Variants in TBCD observed in about 807,000 individuals in gnomAD.
TBCD encodes the protein tubulin folding cofactor D.
In TBCD, 105 loss-of-function variants were observed where a neutral mutation model predicts 169.3. The ratio of observed to expected loss-of-function variants is 0.62; its 90% CI spans 0.53 to 0.73. The LOEUF is 0.73. TBCD is among the 30% of genes least tolerant of loss of function. TBCD has a pLI of 0.00. For synonymous variants in TBCD, 700 were observed against 643.9 expected (o/e 1.09, Z -1.32); for missense variants, 1,444 against 1,600.1 (o/e 0.90, Z 1.66).
At chr17:82,775,126 G>A (rs924463538) in intron 6 of TBCD, among the ~76,000 whole-genome samples, 1 of 152,196 alleles carries the variant, frequency 6.6e-6, no homozygotes, top group African/African-American at 2.4e-5. Flanking sequence ...GATCCCGGGC[G>A]GACTCCCGGC....
chr17:82,870,293 T>C lies in TBCD; in HGVS notation c.1388T>C (p.Val463Ala). Residue 463 changes from valine to alanine, a missense_variant, in exon 14 of 39, where the codon GTC becomes GCC. Physicochemically the swap from Val to Ala is moderately conservative, Grantham distance 64. Coordinates refer to ENST00000355528, the MANE Select transcript of TBCD (RefSeq NM_005993.5). ...GGTGCCTGCAGCGTGGGCACCAACGTCAGGGACGCCGCCTGCTACGTGTGC... is the reference window on the plus strand; with the variant it reads ...GGTGCCTGCAGCGTGGGCACCAACGCCAGGGACGCCGCCTGCTACGTGTGC... Reference protein sequence around the residue: ...KRGACSVGTNVRDAACYVCWA... With the variant: ...KRGACSVGTNARDAACYVCWA... 6.2e-7 allele frequency: 1 copy of C among 1,613,562 alleles called. No homozygotes were observed. Among genetic ancestry groups the C allele is most frequent in the African/African-American group, 1.3e-5 (1 of 75,038 alleles).
rs556047669 is a variant in TBCD, at chr17:82,869,337, C to T, written c.1319-887C>T. Among the ~76,000 whole-genome samples the T allele has an allele frequency of 4.1e-4, 63 of 152,082 alleles. 1 individual carries two copies. Among genetic ancestry groups the T allele is most frequent in the Admixed American group, 1.8e-3 (27 of 15,280 alleles). ...GTAAAAAATCGGGTAGCCTGGGTAA[C>T]GTGGGATGCCATCTCTACAAAAAAT... is the stretch of plus-strand genomic sequence containing the variant. On this transcript the variant is annotated intron_variant, in intron 13 of 38. Coordinates refer to ENST00000355528, the MANE Select transcript of TBCD (RefSeq NM_005993.5).
chr17:82,795,906 C>T (rs111315793), intron 7 of TBCD: 3,351 of 152,374 alleles, frequency 0.022, 142 homozygotes, highest in African/African-American at 0.077. Flanking sequence ...TGAAAGAGGC[C>T]GCCAGGCTTC....
chr17:82,804,632 T>C (rs2050817479), intron 9 of TBCD, among the ~76,000 whole-genome samples: 1 of 152,206 alleles, frequency 6.6e-6, no homozygotes, highest in African/African-American at 2.4e-5. Context: ...GTCCTTACCA[T>C]GTGGGCCCCT....
rs1237622719 is a variant in TBCD, at chr17:82,835,688, G to T, written c.1318+20754G>T. On this transcript the variant is annotated intron_variant, in intron 13 of 38. Transcript: ENST00000355528. This position sits in a 1 kb window ranked among gnomAD's most constrained non-coding sequence, Gnocchi z 4.5. ...GATCTGCCCGCCTCAGCCTCCCAAA[G>T]TGCTGGGATTACAGGCATGAGCCAC... Among the ~76,000 whole-genome samples the T allele has an allele frequency of 6.6e-6, 1 of 152,128 alleles. No individual in the cohort carries two copies. Among genetic ancestry groups the T allele is most frequent in the Non-Finnish European group, 1.5e-5 (1 of 68,016 alleles).
intron 18 of TBCD, among the ~76,000 whole-genome samples, chr17:82,901,786 C>T (rs895292648): frequency 2.0e-5 from 3 of 152,216 alleles, no homozygotes; most frequent in African/African-American, 2.4e-5. Context: ...TCCCTTCATT[C>T]GCTTACAGAG....
chr17:82,840,961 T>TTTTG (rs2054457607), intron 13 of TBCD, among the ~76,000 whole-genome samples: 1 of 128,998 alleles, frequency 7.8e-6, no homozygotes, highest in Non-Finnish European at 1.6e-5. Context: ...CTGGTTTTTT[T>TTTTG]TTTTTTTTTT....
rs768039373 is a variant in TBCD, at chr17:82,930,478, G to A, written c.2992-44G>A. The A allele has an allele frequency of 2.5e-6, 4 of 1,601,054 alleles. No homozygotes were observed. In the African/African-American group the frequency reaches 4.0e-5, roughly 16 times the overall value. ...CTGTAGCCAAGCCTGAGGGGTGGCA[G>A]GCTCGGGGGTCCCACTGCCTTCTGA... is the stretch of plus-strand genomic sequence containing the variant. On this transcript the variant is annotated intron_variant, in intron 32 of 38. Coordinates refer to ENST00000355528, the MANE Select transcript of TBCD (RefSeq NM_005993.5). This position sits in a 1 kb window ranked among gnomAD's most constrained non-coding sequence, Gnocchi z 5.2.
intron 15 of TBCD, among the ~76,000 whole-genome samples, chr17:82,886,616 T>C (rs2058720242): frequency 7.1e-6 from 1 of 141,100 alleles, no homozygotes; most frequent in Admixed American, 7.1e-5. Context: ...TTGGGATAAT[T>C]GAGATTTATA....
intron 14 of TBCD, among the ~76,000 whole-genome samples, chr17:82,873,743 G>A (rs1461469333): frequency 2.0e-5 from 3 of 152,310 alleles, no homozygotes; most frequent in East Asian, 1.9e-4. Flanking sequence ...GGGGCCGGCC[G>A]GTCGGTAGGT....
intron 23 of TBCD, among the ~76,000 whole-genome samples, chr17:82,918,054 C>T (rs1437694963): frequency 6.6e-6 from 1 of 152,204 alleles, no homozygotes; most frequent in African/African-American, 2.4e-5. Flanking sequence ...TAATTATAGA[C>T]TTACAGGAAG....
Position 82,764,023 on chromosome 17 carries a change from T to C in TBCD, c.294T>C (p.Leu98=). Residue 98 remains leucine (L), a synonymous_variant, in exon 3 of 39, where the codon CTT becomes CTC. Transcript: ENST00000355528. The part of the protein sequence containing the change: ...IVQDQTSPAS[L]VHLAFKFLYI... ...AAGATCAGACATCTCCAGCTTCCCT[T>C]GTACATCTGGCTTTTAAATTTCTTT... is the stretch of plus-strand genomic sequence containing the variant. The C allele has an allele frequency of 1.2e-6, 2 of 1,613,968 alleles. No homozygotes were observed. The highest frequency in any genetic ancestry group is 8.5e-7 in the Non-Finnish European group (1 of 1,179,872).
chr17:82,809,880 T>C (rs1041369352), intron 12 of TBCD, 98 bp downstream of exon 12: 1 of 1,147,872 alleles, frequency 8.7e-7, no homozygotes, highest in Non-Finnish European at 1.3e-6. Context: ...CATTGAGCTG[T>C]TTGTCAGAAC....
chr17:82,776,371 T>C (rs1406903957), intron 6 of TBCD, among the ~76,000 whole-genome samples: 1 of 152,194 alleles, frequency 6.6e-6, no homozygotes, highest in Non-Finnish European at 1.5e-5. Context: ...ATTGCGCCAC[T>C]GCATTCCAGC....
chr17:82,795,090 G>C (rs2050004993), intron 7 of TBCD, among the ~76,000 whole-genome samples: 1 of 152,256 alleles, frequency 6.6e-6, no homozygotes, highest in Admixed American at 6.5e-5. Context: ...ATCACCACTT[G>C]TATCTTAGTC....
intron 21 of TBCD, 142 bp from the exon 22 acceptor site, chr17:82,909,143 T>C: frequency 1.7e-6 from 1 of 594,102 alleles, no homozygotes; most frequent in Non-Finnish European, 2.9e-6. Flanking sequence ...TGGGCCTCCG[T>C]CCTCAGCCCC....
intron 13 of TBCD, among the ~76,000 whole-genome samples, chr17:82,828,395 C>G (rs545941393): frequency 1.3e-5 from 2 of 150,558 alleles, no homozygotes; most frequent in Non-Finnish European, 3.0e-5. Context: ...TACATGCACA[C>G]CCAATCGAAT....
intron 28 of TBCD, 196 bp from the exon 29 acceptor site, chr17:82,926,990 G>C: frequency 2.7e-6 from 2 of 737,328 alleles, no homozygotes; most frequent in Non-Finnish European, 2.1e-6. Context: ...CCGGAGAGAC[G>C]GCAGAGCGTG....
intron 13 of TBCD, among the ~76,000 whole-genome samples, chr17:82,867,394 G>A (rs571573070): frequency 8.1e-4 from 124 of 152,256 alleles, no homozygotes; most frequent in Non-Finnish European, 1.4e-3. Context: ...GTTGCCGGGT[G>A]GTCGTGCCTG....
Sources: allele counts gnomAD v4.1 joint callset (sites outside exome capture counted in the v4.1 genomes callset), GRCh38; gene constraint gnomAD v4.1.1; non-coding constraint Gnocchi (gnomAD v3.1); transcripts MANE v1.5; gene names NCBI Gene and HGNC (gene_info 2026-07-23, HGNC 2026-07-21).